Variants in ARAP1 observed in about 807,000 individuals in gnomAD.
ARAP1 encodes the protein ArfGAP with RhoGAP domain, ankyrin repeat and PH domain 1.
A neutral mutation model predicts 172.2 loss-of-function variants in ARAP1; 76 were observed. That is an observed-to-expected ratio of 0.44 (90% confidence interval 0.37 to 0.53). ARAP1 has a LOEUF of 0.53. Among genes scored for constraint, ARAP1 ranks in the 20% least tolerant of loss-of-function variants. ARAP1 has a pLI of 0.00. For missense variants in ARAP1, 1,686 were observed against 1,977.5 expected (o/e 0.85, Z 2.80); for synonymous variants, 804 against 803.3 (o/e 1.00, Z -0.01).
rs10675016 is a variant in ARAP1, at chr11:72,722,182, GGA to G, written c.509+4436_509+4437del. On this transcript the variant is annotated intron_variant, in intron 3 of 34. Transcript: ENST00000393609. ...GAGAGAGAGAGAGAGAAAGACAGAG[GGA>G]GAGAGAGAGAGAGTGTGTGTGAGTG... The G allele has an allele frequency of 4.3e-3, 4,035 of 945,240 alleles. 10 individuals carry two copies. Among genetic ancestry groups the G allele is most frequent in the Non-Finnish European group, 4.7e-3 (3,702 of 793,716 alleles). The allele number at this position is 945,240 out of a possible 1,614,324, so 58.6% of individuals were successfully genotyped here. A position where few individuals can be genotyped will look rare whatever the true frequency, so the allele number is the denominator to read the frequency against.
In ARAP1 at chr11:72,726,362, C is replaced by T. The variant is rs1857688578; in HGVS notation, c.509+258G>A. ...GGATCAGTGATGGCACGACTGTCCA[C>T]CCAGCCACCCAAGACAGAAACCTGG... On this transcript the variant is annotated intron_variant, in intron 3 of 34. Coordinates refer to ENST00000393609, the MANE Select transcript of ARAP1 (RefSeq NM_001040118.3). This position sits in a 1 kb window ranked among gnomAD's most constrained non-coding sequence, Gnocchi z 6.5. Among the ~76,000 whole-genome samples, 1 of 152,190 alleles carries T rather than the reference C, an allele frequency of 6.6e-6. No homozygotes were observed. The highest frequency in any genetic ancestry group is 2.1e-4 in the South Asian group (1 of 4,830).
intron 30 of ARAP1, among the ~76,000 whole-genome samples, chr11:72,690,550 G>A (rs755561969): frequency 6.6e-5 from 10 of 152,080 alleles, no homozygotes; most frequent in African/African-American, 2.2e-4. Context: ...CATCACATCC[G>A]GCTAATTTTT....
At chr11:72,735,955 CA>C (rs988476563) in intron 1 of ARAP1, among the ~76,000 whole-genome samples, 2 of 152,156 alleles carry the variant, frequency 1.3e-5, no homozygotes, top group African/African-American at 4.8e-5. Flanking sequence ...GAAAACAGCC[CA>C]GGGGGCCCTC....
rs1857568563 is a variant in ARAP1, at chr11:72,722,778, G to C, written c.509+3842C>G. On this transcript the variant is annotated intron_variant, in intron 3 of 34. Transcript: ENST00000393609. The stretch of plus-strand genomic sequence containing the variant: ...GGGACACCAAAGGCCAGAGCAAGCT[G>C]GGAGGGGATCTGCGGCATGACCCTG... Among the ~76,000 whole-genome samples, 4 of 152,354 alleles carry C rather than the reference G, an allele frequency of 2.6e-5. No homozygotes were observed. The South Asian group carries it at 8.3e-4, about 32-fold the overall frequency.
In ARAP1 at chr11:72,711,460, A is replaced by G; in HGVS notation, c.1062T>C (p.Thr354=). 1.2e-6 allele frequency: 2 copies of G among 1,613,260 alleles called. No homozygotes were observed. The highest frequency in any genetic ancestry group is 1.7e-5 in the Admixed American group (1 of 60,006). Residue 354 remains threonine (T), a synonymous_variant, in exon 8 of 35, where the codon ACT becomes ACC. Transcript: ENST00000393609. ...TACTGTCAAAGTATCGCAGGTGATC[A>G]GTATCCAGTCTCACCCATCGTTTCT... ...IYQKRWVRLD[T]DHLRYFDSNK...
intron 27 of ARAP1, among the ~76,000 whole-genome samples, chr11:72,694,581 TA>T (rs1856093040): frequency 6.6e-6 from 1 of 152,148 alleles, no homozygotes. Flanking sequence ...ATCATTAGAC[TA>T]ATGCCTCCGT....
In ARAP1 at chr11:72,726,892, T is replaced by A; in HGVS notation, c.237A>T (p.Pro79=). 6.5e-7 allele frequency: 1 copy of A among 1,546,276 alleles called. No individual in the cohort carries two copies. Among genetic ancestry groups the A allele is most frequent in the Non-Finnish European group, 8.7e-7 (1 of 1,150,238 alleles). The part of the protein sequence containing the change: ...TSPAPAPRPT[P]RPVPMKRHIF... Reference sequence around the variant, plus strand: ...TGTGGCGCTTCATGGGCACAGGCCGTGGGGTGGGGCGGGGTGCAGGGGCCG... The same window carrying A: ...TGTGGCGCTTCATGGGCACAGGCCGAGGGGTGGGGCGGGGTGCAGGGGCCG... Residue 79 remains proline, a synonymous_variant, in exon 3 of 35, where the codon CCA becomes CCT. Coordinates refer to ENST00000393609, the MANE Select transcript of ARAP1 (RefSeq NM_001040118.3). This position sits in a 1 kb window ranked among gnomAD's most constrained non-coding sequence, Gnocchi z 6.5.
chr11:72,695,824 T>C lies in ARAP1; in HGVS notation c.3314A>G (p.Asn1105Ser), dbSNP rs1326018243. Residue 1105 changes from asparagine to serine, a missense_variant, in exon 24 of 35, where the codon AAC (asparagine) becomes AGC (serine). Transcript: ENST00000393609. This position sits in a 1 kb window ranked among gnomAD's most constrained non-coding sequence, Gnocchi z 4.4. ...CGTGGGCCCAAACACAATTGCCAGG[T>C]TGTGCACGTTCATCTGGTTCGTGTC... ...FSDTNQMNVH[N>S]LAIVFGPTLF... is the part of the protein sequence containing the mutation. The C allele has an allele frequency of 6.2e-7, 1 of 1,613,890 alleles. No individual in the cohort carries two copies. Among genetic ancestry groups the C allele is most frequent in the Non-Finnish European group, 8.5e-7 (1 of 1,179,950 alleles).
rs1444981182 is a variant in ARAP1 at position 72,688,548 on chromosome 11, G to C, written c.3988-11C>G. The stretch of plus-strand genomic sequence containing the variant: ...CTCAGGCCGGTGACTCTGAGGTAGG[G>C]CAAGGAGAAGAGGGCACTTTAGTCT... On this transcript the variant is annotated splice_polypyrimidine_tract_variant and intron_variant, in intron 30 of 34. Coordinates refer to ENST00000393609, the MANE Select transcript of ARAP1 (RefSeq NM_001040118.3). The C allele has an allele frequency of 1.9e-6, 3 of 1,609,200 alleles. No individual in the cohort carries two copies. The Admixed American group carries it at 5.0e-5, about 27-fold the overall frequency.
chr11:72,700,891 G>A (rs529369219), intron 16 of ARAP1, among the ~76,000 whole-genome samples: 37 of 152,282 alleles, frequency 2.4e-4, no homozygotes, highest in African/African-American at 8.7e-4. Context: ...CCAGCTACTC[G>A]GGAGGCTGAG....
intron 3 of ARAP1, among the ~76,000 whole-genome samples, chr11:72,724,551 C>T (rs1018049018): frequency 1.1e-4 from 16 of 152,222 alleles, no homozygotes; most frequent in African/African-American, 3.1e-4. Context: ...ATGTTGGCCC[C>T]CACCCTGATC....
rs1856016634 is a variant in ARAP1, at chr11:72,693,210, G to A, written c.3954+115C>T. The A allele has an allele frequency of 6.2e-6, 9 of 1,448,204 alleles. No homozygotes were observed. Among genetic ancestry groups the A allele is most frequent in the Non-Finnish European group, 8.4e-6 (9 of 1,071,852 alleles). The allele number at this position is 1,448,204 out of a possible 1,614,324, so 89.7% of individuals were successfully genotyped here. ...GTCTACAGTTCTCCCCCACTGCTGT[G>A]CCATCCTGAGAGCCTGTAACGGGAA... On this transcript the variant is annotated intron_variant, in intron 29 of 34. Transcript: ENST00000393609. The surrounding 1 kb of genome is among the most constrained non-coding windows in gnomAD (Gnocchi z 4.6).
At position 72,726,569 on chromosome 11, in the gene ARAP1, C is replaced by T. The variant is rs1317452658; in HGVS notation, c.509+51G>A. Reference sequence around the variant, plus strand: ...AAAGGCCACAAACTCCCCATCTACCCTCTGGGATCCTCTGCCTGTGCGCCT... The same window carrying T: ...AAAGGCCACAAACTCCCCATCTACCTTCTGGGATCCTCTGCCTGTGCGCCT... On this transcript the variant is annotated intron_variant, in intron 3 of 34. Transcript: ENST00000393609. The surrounding 1 kb of genome is among the most constrained non-coding windows in gnomAD (Gnocchi z 6.5). 1 of 1,453,268 alleles carries T rather than the reference C, an allele frequency of 6.9e-7. No individual in the cohort carries two copies. The highest frequency in any genetic ancestry group is 9.1e-7 in the Non-Finnish European group (1 of 1,104,634). The allele number at this position is 1,453,268 out of a possible 1,614,324, so 90.0% of individuals were successfully genotyped here.
At position 72,685,695 on chromosome 11, in the gene ARAP1, A is replaced by G. The variant is rs1855640368; in HGVS notation, c.4336-14T>C. 7 of 1,613,898 alleles carry G rather than the reference A, an allele frequency of 4.3e-6. No homozygotes were observed. Among genetic ancestry groups the G allele is most frequent in the African/African-American group, 1.3e-5 (1 of 74,944 alleles). ...GTTGCGCAGAAGCTGCAGGAAGGCA[A>G]GAGACCCACAGGTATTTTGTGAAGG... On this transcript the variant is annotated splice_polypyrimidine_tract_variant and intron_variant, in intron 34 of 34. Transcript: ENST00000393609.
chr11:72,696,159 G>A (rs528369407), intron 23 of ARAP1, among the ~76,000 whole-genome samples: 1 of 152,138 alleles, frequency 6.6e-6, no homozygotes, highest in South Asian at 2.1e-4. Flanking sequence ...CAAGGACAGG[G>A]TCGGGGGGCA....
At position 72,710,016 on chromosome 11, in the gene ARAP1, G is replaced by A. The variant is rs774409721; in HGVS notation, c.1417-40C>T. 5.8e-6 allele frequency: 9 copies of A among 1,564,890 alleles called. No homozygotes were observed. Among genetic ancestry groups the A allele is most frequent in the Non-Finnish European group, 7.9e-6 (9 of 1,135,534 alleles). On this transcript the variant is annotated intron_variant, in intron 10 of 34. Transcript: ENST00000393609. The surrounding 1 kb of genome is among the most constrained non-coding windows in gnomAD (Gnocchi z 4.3). ...GGACGGGATGAGGGCAAGGCTTTGG[G>A]GGCAGGGCGTGAGGCTTGGGACAGG...
intron 3 of ARAP1, among the ~76,000 whole-genome samples, chr11:72,724,816 T>C (rs942401846): frequency 5.3e-5 from 8 of 152,198 alleles, no homozygotes; most frequent in African/African-American, 1.9e-4. Flanking sequence ...CCAATTCTCT[T>C]AGCACAGAAC....
chr11:72,736,239 CTT>C (rs61233618), intron 1 of ARAP1, among the ~76,000 whole-genome samples: 24 of 132,296 alleles, frequency 1.8e-4, no homozygotes, highest in Admixed American at 1.5e-4. Flanking sequence ...TTTTAGTTAC[CTT>C]TTTTTTTTTT....
chr11:72,697,839 GCA>G, intron 19 of ARAP1, 70 bp downstream of exon 19: 7 of 1,490,820 alleles, frequency 4.7e-6, no homozygotes, highest in Non-Finnish European at 6.3e-6. Flanking sequence ...AGATTTCCAG[GCA>G]AGGGCTGGGG....
Sources: allele counts gnomAD v4.1 joint callset (sites outside exome capture counted in the v4.1 genomes callset), GRCh38; gene constraint gnomAD v4.1.1; non-coding constraint Gnocchi (gnomAD v3.1); transcripts MANE v1.5; gene names NCBI Gene and HGNC (gene_info 2026-07-23, HGNC 2026-07-21).